The following RERE variants were observed in gnomAD, a reference collection of about 807,000 sequenced individuals.
RERE encodes the protein arginine-glutamic acid dipeptide repeats protein.
Under a neutral mutation model 146.1 loss-of-function variants are expected in RERE, and 40 were observed. The observed-to-expected ratio is 0.27, with a 90% CI of 0.21 to 0.36. The LOEUF (loss-of-function observed/expected upper bound fraction) is 0.36, where lower values mean the gene tolerates loss of function less well. Ranked by LOEUF, RERE falls within the 10% of genes least tolerant of loss-of-function variation. The pLI, the probability that RERE is intolerant of heterozygous loss-of-function variation, is 1.00. For synonymous variants in RERE, 1,003 were observed against 866.0 expected, an observed-to-expected ratio of 1.16 and a Z score of -2.78; for missense variants, 1,933 against 2,138.7, an observed-to-expected ratio of 0.90 and a Z score of 1.90.
chr1:8,747,920 G>A (rs1640455129), intron 1 of RERE, among the ~76,000 whole-genome samples: 1 of 151,968 alleles, frequency 6.6e-6, no homozygotes, highest in Non-Finnish European at 1.5e-5. Context: ...GATTACAGGT[G>A]CATGCCACCA....
At chr1:8,694,623 G>A (rs1366073289) in intron 1 of RERE, among the ~76,000 whole-genome samples, 2 of 152,050 alleles carry the variant, frequency 1.3e-5, no homozygotes, top group African/African-American at 4.8e-5. Flanking sequence ...GCCGGGCGTG[G>A]TGGCACATGC....
chr1:8,463,659 G>A (rs1479480857), intron 11 of RERE, among the ~76,000 whole-genome samples: 2 of 152,178 alleles, frequency 1.3e-5, no homozygotes, highest in Admixed American at 6.5e-5. Flanking sequence ...GGAGAGAGGA[G>A]AGCCATGGCT....
intron 6 of RERE, among the ~76,000 whole-genome samples, chr1:8,553,259 C>T (rs766745450): frequency 6.6e-6 from 1 of 151,348 alleles, no homozygotes; most frequent in African/African-American, 2.4e-5. Context: ...AGACACTGCA[C>T]CATTAAGCCA....
intron 4 of RERE, among the ~76,000 whole-genome samples, chr1:8,581,202 T>G (rs1441329248): frequency 1.3e-5 from 2 of 152,236 alleles, no homozygotes; most frequent in East Asian, 3.8e-4. Context: ...TTTGGGGATC[T>G]TATTGTGACT....
At chr1:8,564,694 C>A (rs1236078646) in intron 4 of RERE, among the ~76,000 whole-genome samples, 4 of 152,068 alleles carry the variant, frequency 2.6e-5, no homozygotes, top group African/African-American at 2.4e-5. Flanking sequence ...ATCAGTTTGT[C>A]AAAGAGAAGC....
At chr1:8,747,644 C>T (rs557603506) in intron 1 of RERE, among the ~76,000 whole-genome samples, 10 of 152,170 alleles carry the variant, frequency 6.6e-5, no homozygotes, top group Admixed American at 3.9e-4. Flanking sequence ...CATATGCAAA[C>T]GGTGAACTGG....
chr1:8,552,966 A>G (rs1645955291), intron 6 of RERE, among the ~76,000 whole-genome samples: 1 of 150,972 alleles, frequency 6.6e-6, no homozygotes. Flanking sequence ...GTCCACAAAC[A>G]CTCATGACAC....
At chr1:8,608,532 G>T (rs1191811787) in intron 4 of RERE, among the ~76,000 whole-genome samples, 1 of 151,952 alleles carries the variant, frequency 6.6e-6, no homozygotes, top group Non-Finnish European at 1.5e-5. Flanking sequence ...CCCAAAACAT[G>T]AAACACCCCA....
intron 12 of RERE, among the ~76,000 whole-genome samples, chr1:8,402,226 T>C (rs933348943): frequency 3.3e-5 from 5 of 152,222 alleles, no homozygotes; most frequent in African/African-American, 1.2e-4. Flanking sequence ...CCAACCATCA[T>C]GCTGTGGGAA....
chr1:8,797,837 G>T (rs993458898), intron 1 of RERE, among the ~76,000 whole-genome samples: 1 of 152,212 alleles, frequency 6.6e-6, no homozygotes, highest in Admixed American at 6.5e-5. Context: ...AAAAGTAACA[G>T]GAAAAGTTGT....
intron 4 of RERE, among the ~76,000 whole-genome samples, chr1:8,600,441 G>T (rs1646607693): frequency 2.0e-5 from 3 of 152,130 alleles, no homozygotes; most frequent in Admixed American, 1.3e-4. Flanking sequence ...TAAGAAATCT[G>T]CTCAGTATCT....
chr1:8,468,316 A>G (rs966913415), intron 10 of RERE, among the ~76,000 whole-genome samples: 9 of 152,238 alleles, frequency 5.9e-5, no homozygotes, highest in African/African-American at 2.2e-4. Context: ...GTATAAAAAG[A>G]TCTGAAATAA....
chr1:8,358,380 C>A lies in RERE; in HGVS notation c.4155G>T (p.Gln1385His). ...CAGGGTAGCTCATCTCGGGCCGCAGCTGGGGGCCCGCCAGGGCCAGTCTCT... is the reference window on the plus strand; with the variant it reads ...CAGGGTAGCTCATCTCGGGCCGCAGATGGGGGCCCGCCAGGGCCAGTCTCT... The part of the protein sequence containing the change: ...ERERLALAGP[Q>H]LRPEMSYPDR... The change falls in exon 20 of 23, where the codon CAG becomes CAT. Residue 1385 changes from glutamine to histidine, a missense_variant. Around this residue, in one of 11 missense-constraint regions of RERE, gnomAD observed 1,255 missense variants for 1,153.8 expected, o/e 1.09. Coordinates refer to ENST00000400908, the MANE Select transcript of RERE (RefSeq NM_001042681.2). The A allele has an allele frequency of 6.2e-7, 1 of 1,608,770 alleles. No homozygotes were observed. The highest frequency in any genetic ancestry group is 1.7e-4 in the Middle Eastern group (1 of 6,048).
At chr1:8,653,121 T>C (rs934680795) in intron 2 of RERE, among the ~76,000 whole-genome samples, 1 of 152,208 alleles carries the variant, frequency 6.6e-6, no homozygotes, top group Non-Finnish European at 1.5e-5. Flanking sequence ...AGAGGTTTCC[T>C]TAACTGTCGG....
intron 1 of RERE, among the ~76,000 whole-genome samples, chr1:8,719,436 AG>A (rs1193472190): frequency 1.3e-5 from 2 of 152,226 alleles, no homozygotes; most frequent in Non-Finnish European, 2.9e-5. Flanking sequence ...AAAAGGATCC[AG>A]GGTGTATTAG....
chr1:8,482,952 C>T (rs761887828), intron 10 of RERE, among the ~76,000 whole-genome samples: 14 of 152,294 alleles, frequency 9.2e-5, no homozygotes, highest in South Asian at 2.1e-4. Flanking sequence ...ACCTCAACTG[C>T]GTGATCTTTT....
At chr1:8,517,309 A>T (rs1396548671) in intron 7 of RERE, among the ~76,000 whole-genome samples, 1 of 152,238 alleles carries the variant, frequency 6.6e-6, no homozygotes, top group Non-Finnish European at 1.5e-5. Context: ...CACTGTACAC[A>T]GCTGAACCAG....
At chr1:8,510,363 G>A (rs1331324284) in intron 7 of RERE, among the ~76,000 whole-genome samples, 1 of 152,174 alleles carries the variant, frequency 6.6e-6, no homozygotes, top group Non-Finnish European at 1.5e-5. Context: ...ATGAAAGCAT[G>A]CAGAGGTGGC....
At chr1:8,497,339 T>G in intron 9 of RERE, 66 bp downstream of exon 9, 1 of 1,564,088 alleles carries the variant, frequency 6.4e-7, no homozygotes, top group Non-Finnish European at 8.7e-7. Context: ...AAATGCAAAG[T>G]TTACTGCCTA....
Sources: allele counts gnomAD v4.1 joint callset (sites outside exome capture counted in the v4.1 genomes callset), GRCh38; gene constraint gnomAD v4.1.1; regional missense constraint gnomAD v4.1.1; transcripts MANE v1.5; gene names NCBI Gene and HGNC (gene_info 2026-07-23, HGNC 2026-07-21).